DAB1: variants seen among roughly 807,000 people sequenced by gnomAD.
DAB1 encodes the protein DAB adaptor protein 1, also known as disabled homolog 1.
DAB1 carries 15 observed loss-of-function variants against 64.6 expected under a neutral mutation model. The ratio of observed to expected loss-of-function variants is 0.23; its 90% CI spans 0.16 to 0.36. DAB1 has a LOEUF of 0.36. Among genes scored for constraint, DAB1 ranks in the 10% least tolerant of loss-of-function variants. DAB1 has a pLI of 1.00. For missense variants in DAB1, 596 were observed against 706.7 expected (o/e 0.84, Z 1.78); for synonymous variants, 235 against 251.9 (o/e 0.93, Z 0.64).
chr1:57,935,725 CAAA>C (rs1405742134), intron 5 of DAB1, among the ~76,000 whole-genome samples: 3 of 149,142 alleles, frequency 2.0e-5, no homozygotes, highest in Non-Finnish European at 4.5e-5. Flanking sequence ...GAAATAAAAA[CAAA>C]CAACAACAAC....
chr1:57,053,201 G>T (rs1649363111), intron 9 of DAB1, among the ~76,000 whole-genome samples: 1 of 152,028 alleles, frequency 6.6e-6, no homozygotes, highest in Non-Finnish European at 1.5e-5. Flanking sequence ...CTTGGCGGGG[G>T]GTCTGATCAT....
At chr1:57,444,170 G>A (rs979205132) in intron 7 of DAB1, among the ~76,000 whole-genome samples, 1 of 151,934 alleles carries the variant, frequency 6.6e-6, no homozygotes, top group Non-Finnish European at 1.5e-5. Flanking sequence ...CTTCTCCCCA[G>A]GCACCTACTC....
chr1:57,521,714 T>C (rs1021837113), intron 7 of DAB1, among the ~76,000 whole-genome samples: 3 of 152,146 alleles, frequency 2.0e-5, no homozygotes, highest in African/African-American at 7.2e-5. Flanking sequence ...AGAGAGTGGC[T>C]GATAGATAGA....
intron 4 of DAB1, among the ~76,000 whole-genome samples, chr1:58,298,906 C>T (rs1009452788): frequency 2.6e-5 from 4 of 152,166 alleles, no homozygotes; most frequent in Non-Finnish European, 4.4e-5. Flanking sequence ...TATGTTACTA[C>T]GTCTATTTAC....
At chr1:58,169,685 G>A (rs1177737144) in intron 4 of DAB1, among the ~76,000 whole-genome samples, 5 of 152,088 alleles carry the variant, frequency 3.3e-5, no homozygotes, top group Non-Finnish European at 7.4e-5. Context: ...CACCCCACAG[G>A]AGGACCTCTC....
chr1:57,423,373 G>A (rs1173992365), intron 1 of DAB1, among the ~76,000 whole-genome samples: 3 of 152,088 alleles, frequency 2.0e-5, no homozygotes, highest in African/African-American at 7.2e-5. Context: ...CGGTGCCCGC[G>A]AAAGGGCTGG....
intron 3 of DAB1, among the ~76,000 whole-genome samples, chr1:58,394,894 T>C (rs1644505883): frequency 6.6e-6 from 1 of 152,154 alleles, no homozygotes; most frequent in Non-Finnish European, 1.5e-5. Context: ...AATTTTATTG[T>C]ACATAAATTA....
intron 2 of DAB1, among the ~76,000 whole-genome samples, chr1:57,255,321 A>G (rs913297469): frequency 1.3e-5 from 2 of 152,304 alleles, no homozygotes; most frequent in African/African-American, 4.8e-5. Flanking sequence ...CAAACAATGC[A>G]TCTCCTCTAG....
intron 7 of DAB1, among the ~76,000 whole-genome samples, chr1:57,474,867 G>A (rs1643914991): frequency 6.6e-6 from 1 of 152,158 alleles, no homozygotes; most frequent in African/African-American, 2.4e-5. Context: ...TATAAAGTAG[G>A]AACCTGGAAA....
intron 5 of DAB1, among the ~76,000 whole-genome samples, chr1:57,913,278 G>A (rs1386819764): frequency 6.6e-6 from 1 of 152,072 alleles, no homozygotes; most frequent in East Asian, 1.9e-4. Flanking sequence ...AGAGCCCTCA[G>A]AAATAATGCC....
intron 7 of DAB1, among the ~76,000 whole-genome samples, chr1:57,505,539 G>C (rs2691432): frequency 0.047 from 7,089 of 152,208 alleles, 527 homozygotes; most frequent in African/African-American, 0.16. Flanking sequence ...AGATGGGATG[G>C]GGATGTAAGT....
chr1:58,161,234 C>T (rs1272289212), intron 4 of DAB1, among the ~76,000 whole-genome samples: 3 of 152,158 alleles, frequency 2.0e-5, no homozygotes, highest in Non-Finnish European at 4.4e-5. Context: ...AAGTCAAGAT[C>T]CTTGCCTTAG....
At chr1:57,536,144 C>G (rs1644724744) in intron 7 of DAB1, among the ~76,000 whole-genome samples, 1 of 152,198 alleles carries the variant, frequency 6.6e-6, no homozygotes. Flanking sequence ...ACTTCAACTT[C>G]TCCTGCGATG....
rs72914398 is a variant in DAB1, at chr1:58,424,435, T to C, written n.258-81032A>G. ...TCAAACTGACACATAAAATGAACCA[T>C]TTTGCACCACCTATTGTGGGGATTC... On this transcript the variant is annotated intron_variant and non_coding_transcript_variant, in intron 3 of 20. Transcript: ENST00000485760. 6.9e-3 allele frequency among the ~76,000 whole-genome samples: 1,050 copies of C among 152,246 alleles called. 12 individuals are homozygous for C. Among genetic ancestry groups the C allele is most frequent in the African/African-American group, 0.024 (1,002 of 41,550 alleles).
chr1:58,333,743 C>G (rs555061279), intron 4 of DAB1, among the ~76,000 whole-genome samples: 1 of 152,332 alleles, frequency 6.6e-6, no homozygotes, highest in African/African-American at 2.4e-5. Context: ...TCCTTGGTAT[C>G]TAACACAGAG....
chr1:58,083,369 A>G (rs1300771035), intron 5 of DAB1, among the ~76,000 whole-genome samples: 1 of 151,830 alleles, frequency 6.6e-6, no homozygotes, highest in Non-Finnish European at 1.5e-5. Context: ...CTTTCTACTC[A>G]CTCTTCTTCT....
At chr1:57,023,160 T>A (rs1428417043) in intron 11 of DAB1, among the ~76,000 whole-genome samples, 2 of 152,096 alleles carry the variant, frequency 1.3e-5, no homozygotes, top group East Asian at 3.8e-4. Flanking sequence ...TCTCAAGAAG[T>A]CTATAGAAAG....
Position 57,010,703 on chromosome 1 carries a change from C to A in DAB1, c.1660G>T (p.Gly554Cys), listed in dbSNP as rs114941053. 8.0e-4 allele frequency: 1,255 copies of A among 1,571,932 alleles called. 9 individuals are homozygous for A. The African/African-American group carries it at 0.014, about 17-fold the overall frequency. The stretch of plus-strand genomic sequence containing the variant: ...ACCCAGACCTGCGCTATCTAGCTAC[C>A]GGCCTGTGGACTTATATTATCACCA... ...PSGDNISPQA[G>C]S Residue 554 changes from glycine (G) to cysteine (C), a missense_variant, in exon 14 of 15, where the codon GGT (glycine) becomes TGT (cysteine). By Grantham distance (159) the Gly-to-Cys change is radical. Around this residue, in one of 3 missense-constraint regions of DAB1, gnomAD observed 377 missense variants for 400.4 expected, o/e 0.94. Coordinates refer to ENST00000371236, the MANE Select transcript of DAB1 (RefSeq NM_001365792.1).
chr1:58,404,983 A>G (rs778201439), intron 3 of DAB1, among the ~76,000 whole-genome samples: 1 of 152,176 alleles, frequency 6.6e-6, no homozygotes, highest in Non-Finnish European at 1.5e-5. Context: ...CTTTCCAGCC[A>G]TATTGAGCAT....
Sources: gnomAD v4.1 joint callset for allele counts (sites outside exome capture counted in the v4.1 genomes callset) on GRCh38, gnomAD v4.1.1 for gene constraint, gnomAD v4.1.1 regional missense constraint, MANE v1.5 for transcripts, NCBI Gene and HGNC (gene_info 2026-07-23, HGNC 2026-07-21) for gene names.